FBXL13: variants seen among roughly 807,000 people sequenced by gnomAD.
FBXL13 encodes F-box and leucine rich repeat protein 13, also known as F-box and leucine-rich repeat protein 13.
In FBXL13, 67 loss-of-function variants were observed where a neutral mutation model predicts 83.6. The ratio of observed to expected loss-of-function variants is 0.80; its 90% CI spans 0.66 to 0.98. The LOEUF (loss-of-function observed/expected upper bound fraction) is 0.98. Among genes scored for constraint, FBXL13 ranks in the 50% least tolerant of loss-of-function variants. The probability of loss-of-function intolerance (pLI) is 0.00; values close to 1 mark genes in which losing one functional copy is unlikely to be tolerated. For synonymous variants in FBXL13, 272 were observed against 299.5 expected (o/e 0.91, Z 0.95); for missense variants, 822 against 866.5 (o/e 0.95, Z 0.64).
intron 6 of FBXL13, among the ~76,000 whole-genome samples, chr7:102,997,779 A>T (rs1350980343): frequency 6.6e-6 from 1 of 152,204 alleles, no homozygotes; most frequent in Non-Finnish European, 1.5e-5. Context: ...ATCATATTCC[A>T]TTGGGTACGT....
chr7:102,845,255 T>A (rs1803724486), intron 17 of FBXL13, among the ~76,000 whole-genome samples: 1 of 152,052 alleles, frequency 6.6e-6, no homozygotes, highest in Non-Finnish European at 1.5e-5. Flanking sequence ...AGTCACCTCA[T>A]TAGAACAGAA....
At chr7:103,069,181 C>G (rs983789635) in intron 1 of FBXL13, among the ~76,000 whole-genome samples, 1 of 151,808 alleles carries the variant, frequency 6.6e-6, no homozygotes, top group African/African-American at 2.4e-5. Flanking sequence ...GTAAGGCGCA[C>G]CTCTCCCTGG....
intron 17 of FBXL13, among the ~76,000 whole-genome samples, chr7:102,851,880 C>T (rs528139561): frequency 5.3e-5 from 8 of 152,200 alleles, no homozygotes; most frequent in East Asian, 3.9e-4. Flanking sequence ...TTTTCTCACA[C>T]GCTCTTGAAG....
intron 16 of FBXL13, among the ~76,000 whole-genome samples, chr7:102,867,904 G>T (rs564252392): frequency 6.6e-6 from 1 of 151,024 alleles, no homozygotes; most frequent in Non-Finnish European, 1.5e-5. Flanking sequence ...GGGTTTCACC[G>T]TGTTAGCCAG....
chr7:103,063,426 T>A (rs1251424052), intron 1 of FBXL13, among the ~76,000 whole-genome samples: 1 of 152,218 alleles, frequency 6.6e-6, no homozygotes, highest in African/African-American at 2.4e-5. Flanking sequence ...CTATGCCACT[T>A]TTTATCAGCC....
At chr7:103,049,820 T>TAACC (rs886849893) in intron 2 of FBXL13, among the ~76,000 whole-genome samples, 1 of 152,204 alleles carries the variant, frequency 6.6e-6, no homozygotes, top group African/African-American at 2.4e-5. Flanking sequence ...TTACCCAAGG[T>TAACC]AACCTCACAG....
intron 2 of FBXL13, among the ~76,000 whole-genome samples, chr7:103,041,060 C>T (rs1331558633): frequency 2.0e-5 from 3 of 151,804 alleles, no homozygotes; most frequent in Admixed American, 2.0e-4. Context: ...AAAAGACCAA[C>T]AAATTGATAG....
chr7:103,036,690 T>G (rs951244833), intron 2 of FBXL13, among the ~76,000 whole-genome samples: 1 of 152,156 alleles, frequency 6.6e-6, no homozygotes, highest in Admixed American at 6.5e-5. Flanking sequence ...TTTTGTATTT[T>G]TAGTAGAAAT....
At chr7:103,062,429 C>A (rs1419428798) in intron 1 of FBXL13, among the ~76,000 whole-genome samples, 1 of 152,044 alleles carries the variant, frequency 6.6e-6, no homozygotes, top group Admixed American at 6.6e-5. Context: ...AACACAAATG[C>A]CTTTGGGAAG....
At chr7:102,839,847 C>A (rs1163542271) in intron 17 of FBXL13, among the ~76,000 whole-genome samples, 1 of 151,828 alleles carries the variant, frequency 6.6e-6, no homozygotes, top group Non-Finnish European at 1.5e-5. Flanking sequence ...TATATTTAAA[C>A]ATATAAAATA....
intron 6 of FBXL13, chr7:102,976,214 A>G (rs1322812680): frequency 1.3e-6 from 1 of 755,464 alleles, no homozygotes; most frequent in South Asian, 1.3e-5. Flanking sequence ...AGCCAAGGGT[A>G]ACCCTGATGG....
intron 11 of FBXL13, among the ~76,000 whole-genome samples, chr7:102,888,433 G>T (rs1584790696): frequency 6.6e-6 from 1 of 152,246 alleles, no homozygotes; most frequent in Non-Finnish European, 1.5e-5. Flanking sequence ...CAGCTACTCA[G>T]GAGGCTGAGG....
chr7:102,979,025 A>T (rs1827859905), intron 6 of FBXL13, among the ~76,000 whole-genome samples: 1 of 152,234 alleles, frequency 6.6e-6, no homozygotes, highest in Admixed American at 6.5e-5. Flanking sequence ...TGATATAAAG[A>T]TAGGTAATTT....
At chr7:103,011,740 GAATCTC>G (rs1413244309) in intron 6 of FBXL13, among the ~76,000 whole-genome samples, 2 of 151,732 alleles carry the variant, frequency 1.3e-5, no homozygotes, top group Non-Finnish European at 2.9e-5. Context: ...GCTGAGGAAA[GAATCTC>G]AGTGGTTGAA....
At chr7:103,066,948 C>A (rs999927685) in intron 1 of FBXL13, among the ~76,000 whole-genome samples, 11 of 152,068 alleles carry the variant, frequency 7.2e-5, no homozygotes. Flanking sequence ...TGCGCCACCA[C>A]GCCCAGCTAA....
chr7:103,018,757 A>G (rs1050910191), intron 6 of FBXL13, among the ~76,000 whole-genome samples: 1 of 152,244 alleles, frequency 6.6e-6, no homozygotes, highest in Non-Finnish European at 1.5e-5. Context: ...CAAGGGATCA[A>G]TTCAACAAGA....
At chr7:102,917,517 C>T (rs893031094) in intron 10 of FBXL13, among the ~76,000 whole-genome samples, 3 of 151,986 alleles carry the variant, frequency 2.0e-5, no homozygotes, top group South Asian at 2.1e-4. Flanking sequence ...TGGTAGATGG[C>T]GAGACTTAAG....
In FBXL13 at chr7:103,036,671, G is replaced by A. The variant is rs144439285; in HGVS notation, c.1-7253C>T. Among the ~76,000 whole-genome samples the A allele has an allele frequency of 4.1e-4, 62 of 152,136 alleles. No individual in the cohort carries two copies. In the East Asian group the frequency reaches 9.5e-3, roughly 23 times the overall value. On this transcript the variant is annotated intron_variant, in intron 2 of 19. Transcript: ENST00000313221. Reference sequence around the variant, plus strand: ...GGATTACAGGTGTGCACCACCACACGTAGCTAATTTTTGTATTTTTAGTAG... The same window carrying A: ...GGATTACAGGTGTGCACCACCACACATAGCTAATTTTTGTATTTTTAGTAG...
intron 17 of FBXL13, among the ~76,000 whole-genome samples, chr7:102,833,328 T>C (rs1217940922): frequency 3.3e-5 from 5 of 152,088 alleles, no homozygotes; most frequent in Non-Finnish European, 2.9e-5. Context: ...TGGAATGTAA[T>C]GGAAAGAACA....
Sources: gnomAD v4.1 joint callset for allele counts (sites outside exome capture counted in the v4.1 genomes callset) on GRCh38, gnomAD v4.1.1 for gene constraint, MANE v1.5 for transcripts, NCBI Gene and HGNC (gene_info 2026-07-23, HGNC 2026-07-21) for gene names.